The following RYR3 variants were observed in gnomAD, a reference collection of about 807,000 sequenced individuals.
RYR3 encodes brain ryanodine receptor-calcium release channel.
In RYR3, 207 loss-of-function variants were observed where a neutral mutation model predicts 584.3. That is an observed-to-expected ratio of 0.35 (90% CI 0.32 to 0.40). The LOEUF is 0.40. RYR3 is among the 10% of genes least tolerant of loss of function. The pLI, the probability that RYR3 is intolerant of heterozygous loss-of-function variation, is 1.00. For missense variants in RYR3, 5,616 were observed against 6,089.2 expected (o/e 0.92, Z 2.59); for synonymous variants, 2,416 against 2,248.5 (o/e 1.07, Z -2.11).
chr15:33,645,299 G>A (rs1051995088), intron 28 of RYR3, among the ~76,000 whole-genome samples: 1 of 152,108 alleles, frequency 6.6e-6, no homozygotes. Context: ...ACAGACTATG[G>A]TTTTTCCATG....
chr15:33,816,866 C>T lies in RYR3; in HGVS notation c.10507C>T (p.Arg3503Cys), dbSNP rs367775699. The T allele has an allele frequency of 4.5e-5, 73 of 1,610,070 alleles. No homozygotes were observed. Among genetic ancestry groups the T allele is most frequent in the Admixed American group, 1.2e-4 (7 of 59,840 alleles). ...MAPLYNLPRH[R>C]SINLFLHGYQ... ...CCTCTCACCCCTTCCGCTCAGGCACCGCTCTATTAACCTCTTCCTCCATGG... is the reference window on the plus strand; with the variant it reads ...CCTCTCACCCCTTCCGCTCAGGCACTGCTCTATTAACCTCTTCCTCCATGG... The change falls in exon 75 of 104, where the codon CGC (arginine) becomes TGC (cysteine). Residue 3503 changes from arginine to cysteine, a missense_variant. By Grantham distance (180) the Arg-to-Cys change is radical (BLOSUM62 -3). Coordinates refer to ENST00000634891, the MANE Select transcript of RYR3 (RefSeq NM_001036.6).
chr15:33,497,787 C>T (rs1173567871), intron 2 of RYR3, among the ~76,000 whole-genome samples: 29 of 152,118 alleles, frequency 1.9e-4, no homozygotes, highest in Non-Finnish European at 5.9e-5. Flanking sequence ...TAACCATAGT[C>T]ACCCTAAGTG....
intron 10 of RYR3, among the ~76,000 whole-genome samples, chr15:33,558,632 A>G (rs1351157878): frequency 1.3e-5 from 2 of 152,222 alleles, no homozygotes; most frequent in East Asian, 1.9e-4. Context: ...GCGATTCCTC[A>G]GGGATCTAGA....
At chr15:33,740,483 C>T (rs2069973194) in intron 51 of RYR3, among the ~76,000 whole-genome samples, 1 of 152,146 alleles carries the variant, frequency 6.6e-6, no homozygotes, top group African/African-American at 2.4e-5. Context: ...CTTTGCCATG[C>T]CGAGGGATGC....
At chr15:33,779,359 A>G (rs2074237167) in intron 64 of RYR3, among the ~76,000 whole-genome samples, 1 of 152,112 alleles carries the variant, frequency 6.6e-6, no homozygotes, top group African/African-American at 2.4e-5. Flanking sequence ...ACCTTAAGAT[A>G]TGGTGGACAG....
At chr15:33,659,892 G>C (rs1333603285) in intron 33 of RYR3, 86 bp downstream of exon 33, 2 of 926,858 alleles carry the variant, frequency 2.2e-6, no homozygotes, top group Non-Finnish European at 3.4e-6. Flanking sequence ...CTCAGAAGAT[G>C]GGAGAAGCCT....
intron 101 of RYR3, among the ~76,000 whole-genome samples, 189 bp downstream of exon 101, chr15:33,860,848 T>C (rs1887929674): frequency 6.6e-6 from 1 of 151,274 alleles, no homozygotes; most frequent in African/African-American, 2.5e-5. Context: ...CCTCCTCCAC[T>C]GTCCCACAAT....
intron 3 of RYR3, among the ~76,000 whole-genome samples, chr15:33,529,613 G>T (rs2054679919): frequency 6.6e-6 from 1 of 152,076 alleles, no homozygotes; most frequent in African/African-American, 2.4e-5. Flanking sequence ...TTCTCTTTCT[G>T]TGCATGTTTG....
chr15:33,398,538 G>A (rs2042434619), intron 1 of RYR3, among the ~76,000 whole-genome samples: 1 of 152,206 alleles, frequency 6.6e-6, no homozygotes, highest in Non-Finnish European at 1.5e-5. Context: ...TCTTCAATTA[G>A]TCAGTGTATC....
chr15:33,683,988 G>A (rs111293451), intron 38 of RYR3, among the ~76,000 whole-genome samples: 25,256 of 152,258 alleles, frequency 0.17, 2,466 homozygotes, highest in Admixed American at 0.31. Flanking sequence ...CAGGAAGCTC[G>A]AACTGGGCAG....
intron 60 of RYR3, among the ~76,000 whole-genome samples, chr15:33,757,982 C>G (rs528041159): frequency 6.6e-6 from 1 of 152,054 alleles, no homozygotes; most frequent in Non-Finnish European, 1.5e-5. Context: ...GTGGGTGCAG[C>G]CCAAGGAGGG....
chr15:33,454,918 C>T (rs1055863885), intron 1 of RYR3, among the ~76,000 whole-genome samples: 4 of 152,082 alleles, frequency 2.6e-5, no homozygotes, highest in African/African-American at 9.7e-5. Context: ...AAAACCTGAA[C>T]GTTATTGGCA....
chr15:33,765,608 C>T (rs1055336367), intron 60 of RYR3, among the ~76,000 whole-genome samples: 5 of 134,472 alleles, frequency 3.7e-5, no homozygotes, highest in African/African-American at 5.7e-5. Flanking sequence ...ACTCCAGCCT[C>T]GCCAATAGAG....
Position 33,757,364 on chromosome 15 carries a change from C to T in RYR3, c.8584-111C>T. 4.2e-6 allele frequency: 5 copies of T among 1,196,248 alleles called. No homozygotes were observed. In the South Asian group the frequency reaches 6.0e-5, roughly 14 times the overall value. The allele number at this position is 1,196,248 out of a possible 1,614,324, so 74.1% of individuals were successfully genotyped here. On this transcript the variant is annotated intron_variant, in intron 59 of 103. Transcript: ENST00000634891. ...AAGGGGTAGAATTTCCTGGAAATTACAGGACCAGGGTTCAGAGGCTTTTTG... is the reference window on the plus strand; with the variant it reads ...AAGGGGTAGAATTTCCTGGAAATTATAGGACCAGGGTTCAGAGGCTTTTTG...
chr15:33,701,189 G>C, intron 42 of RYR3, 109 bp downstream of exon 42: 1 of 671,498 alleles, frequency 1.5e-6, no homozygotes, highest in Non-Finnish European at 2.6e-6. Flanking sequence ...TCGTCATCTT[G>C]GTGGGCTTGT....
chr15:33,314,724 C>T (rs919777886), intron 1 of RYR3, among the ~76,000 whole-genome samples: 4 of 150,820 alleles, frequency 2.7e-5, no homozygotes, highest in Admixed American at 2.7e-4. Context: ...ACCATCCTGG[C>T]TAACACGGTG....
At chr15:33,416,215 T>C (rs2043800705) in intron 1 of RYR3, among the ~76,000 whole-genome samples, 2 of 152,198 alleles carry the variant, frequency 1.3e-5, no homozygotes, top group South Asian at 4.1e-4. Context: ...TTTGGATATA[T>C]ATCCAGCAAT....
rs2059752242 is a variant in RYR3 at position 33,603,110 on chromosome 15, T to C, written c.1923-13T>C. 3.7e-6 allele frequency: 6 copies of C among 1,613,032 alleles called. No homozygotes were observed. Among genetic ancestry groups the C allele is most frequent in the Non-Finnish European group, 5.1e-6 (6 of 1,179,414 alleles). ...AGGGTGTGTAGATGCCACTTGCCCA[T>C]GTTTACTTTCAGTATCCGGCCAAAC... On this transcript the variant is annotated splice_polypyrimidine_tract_variant and intron_variant, in intron 17 of 103. Transcript: ENST00000634891.
chr15:33,462,521 G>T (rs572788534), intron 1 of RYR3, among the ~76,000 whole-genome samples: 8 of 152,274 alleles, frequency 5.3e-5, no homozygotes, highest in Non-Finnish European at 1.2e-4. Context: ...CTTGCTAAAA[G>T]TAGATGGGTT....
Sources: gnomAD v4.1 joint callset for allele counts (sites outside exome capture counted in the v4.1 genomes callset) on GRCh38, gnomAD v4.1.1 for gene constraint, MANE v1.5 for transcripts, NCBI Gene and HGNC (gene_info 2026-07-23, HGNC 2026-07-21) for gene names.